The following CSTA variants were observed in gnomAD, a reference collection of about 807,000 sequenced individuals.
The protein encoded by CSTA is cystatin-A.
Under a neutral mutation model 9.2 loss-of-function variants are expected in CSTA, and 9 were observed. The ratio of observed to expected loss-of-function variants is 0.97; its 90% confidence interval spans 0.59 to 1.70. The LOEUF (loss-of-function observed/expected upper bound fraction) is 1.70. Ranked by LOEUF, CSTA falls within the 40% of genes most tolerant of loss-of-function variation. CSTA has a pLI of 0.00. For missense variants in CSTA, 118 were observed against 113.1 expected, an observed-to-expected ratio of 1.04 and a Z score of -0.20; for synonymous variants, 36 against 40.6, an observed-to-expected ratio of 0.89 and a Z score of 0.43.
At chr3:122,331,233 C>T (rs2075203196) in intron 1 of CSTA, among the ~76,000 whole-genome samples, 1 of 151,980 alleles carries the variant, frequency 6.6e-6, no homozygotes, top group Non-Finnish European at 1.5e-5. Flanking sequence ...CGCACAAACA[C>T]TTCATCTGCA....
chr3:122,333,916 C>T (rs2075222148), intron 1 of CSTA, among the ~76,000 whole-genome samples: 1 of 152,206 alleles, frequency 6.6e-6, no homozygotes, highest in Admixed American at 6.5e-5. Context: ...GCCTTACATT[C>T]TCCATTCATA....
rs889446455 is a variant in CSTA at position 122,341,750 on chromosome 3, G to C, written c.*183G>C. 1.4e-6 allele frequency: 1 copy of C among 709,754 alleles called. No individual in the cohort carries two copies. The highest frequency in any genetic ancestry group is 2.3e-6 in the Non-Finnish European group (1 of 440,754). 44.0% of individuals were successfully genotyped at this position (709,754 alleles called of 1,614,324 possible). A position where few individuals can be genotyped will look rare whatever the true frequency, so the allele number is the denominator to read the frequency against. ...TCTCAAAATCAGTGTTATTGCTTTA[G>C]AGTATAAACTCCATATAAATTGATG... On this transcript the variant is annotated 3_prime_UTR_variant, in exon 3 of 3. Coordinates refer to ENST00000264474, the MANE Select transcript of CSTA (RefSeq NM_005213.4).
At chr3:122,325,710 G>T (rs1293385797) in intron 1 of CSTA, among the ~76,000 whole-genome samples, 1 of 152,184 alleles carries the variant, frequency 6.6e-6, no homozygotes, top group Non-Finnish European at 1.5e-5. Context: ...AAGCCAACGT[G>T]TAATTGAAGT....
chr3:122,327,528 CAAAAAAAAAAA>C (rs59568582), intron 1 of CSTA, among the ~76,000 whole-genome samples: 2 of 44,108 alleles, frequency 4.5e-5, no homozygotes, highest in Non-Finnish European at 8.4e-5. Context: ...GACTCCGTCT[CAAAAAAAAAAA>C]AAAAAAAAAA....
intron 1 of CSTA, among the ~76,000 whole-genome samples, chr3:122,326,175 C>T (rs143837513): frequency 3.7e-4 from 57 of 152,230 alleles, no homozygotes; most frequent in African/African-American, 1.3e-3. Flanking sequence ...TATGCCACCA[C>T]GCCTGGCTGA....
chr3:122,337,469 A>T (rs1468456320), intron 1 of CSTA, 78 bp from the exon 2 acceptor site: 1 of 912,168 alleles, frequency 1.1e-6, no homozygotes, highest in Non-Finnish European at 1.8e-6. Context: ...TAGGAGGATG[A>T]GGTTCCCAGA....
chr3:122,334,906 G>T (rs1308308797), intron 1 of CSTA, among the ~76,000 whole-genome samples: 1 of 152,178 alleles, frequency 6.6e-6, no homozygotes, highest in African/African-American at 2.4e-5. Context: ...ACACCAAAAA[G>T]TCGTAGCCAG....
chr3:122,332,817 C>T (rs1009663308), intron 1 of CSTA, among the ~76,000 whole-genome samples: 4 of 152,136 alleles, frequency 2.6e-5, no homozygotes, highest in African/African-American at 9.7e-5. Flanking sequence ...GTCCGTTCAC[C>T]GCCAGTCTCC....
chr3:122,336,233 A>C lies in CSTA; in HGVS notation c.67-1314A>C, dbSNP rs147345422. Among the ~76,000 whole-genome samples the C allele has an allele frequency of 3.5e-4, 53 of 152,302 alleles. No individual in the cohort carries two copies. In the Middle Eastern group the frequency reaches 0.01, roughly 29 times the overall value. Reference sequence around the variant, plus strand: ...AAAAGGAGCAGGGACTCCTTGGAGAAATAGTTGATTCCAGTGAGGAGGCAA... The same window carrying C: ...AAAAGGAGCAGGGACTCCTTGGAGACATAGTTGATTCCAGTGAGGAGGCAA... On this transcript the variant is annotated intron_variant, in intron 1 of 2. Coordinates refer to ENST00000264474, the MANE Select transcript of CSTA (RefSeq NM_005213.4).
chr3:122,327,365 T>C (rs1264163801), intron 1 of CSTA, among the ~76,000 whole-genome samples: 1 of 150,956 alleles, frequency 6.6e-6, no homozygotes, highest in Non-Finnish European at 1.5e-5. Flanking sequence ...CCGTCTCTAC[T>C]AAAAAATACA....
At chr3:122,336,719 G>A (rs1310168706) in intron 1 of CSTA, among the ~76,000 whole-genome samples, 2 of 152,120 alleles carry the variant, frequency 1.3e-5, no homozygotes, top group African/African-American at 4.8e-5. Flanking sequence ...CTTTACCGTG[G>A]AGAAACCTGG....
chr3:122,334,221 G>A (rs77208758), intron 1 of CSTA, among the ~76,000 whole-genome samples: 147 of 152,154 alleles, frequency 9.7e-4, no homozygotes, highest in African/African-American at 3.1e-3. Flanking sequence ...CACTTTTCCC[G>A]TCTATTCTCA....
In CSTA at chr3:122,341,622, T is replaced by C; in HGVS notation, c.*55T>C. On this transcript the variant is annotated 3_prime_UTR_variant, in exon 3 of 3. Transcript: ENST00000264474. ...TCAACTGGCTACTGAGTCATGATCC[T>C]TGCTGATAAATATAACCATCAATAA... The C allele has an allele frequency of 6.2e-7, 1 of 1,603,728 alleles. No homozygotes were observed. The highest frequency in any genetic ancestry group is 8.5e-7 in the Non-Finnish European group (1 of 1,171,368).
At chr3:122,325,386 C>A in intron 1 of CSTA, 28 bp downstream of exon 1, 1 of 1,608,098 alleles carries the variant, frequency 6.2e-7, no homozygotes, top group Non-Finnish European at 8.5e-7. Context: ...AGGAAAAAGT[C>A]TGAGCCAAAA....
intron 1 of CSTA, among the ~76,000 whole-genome samples, chr3:122,333,543 GAAAGA>G (rs1559981555): frequency 3.9e-5 from 1 of 25,822 alleles, no homozygotes; most frequent in Non-Finnish European, 8.3e-5. Flanking sequence ...AAAGAAAGAA[GAAAGA>G]AAGAAAGAAA....
At chr3:122,326,468 C>T (rs1161231168) in intron 1 of CSTA, among the ~76,000 whole-genome samples, 1 of 152,080 alleles carries the variant, frequency 6.6e-6, no homozygotes. Context: ...TTATATTATT[C>T]CTTCTTATTT....
intron 1 of CSTA, among the ~76,000 whole-genome samples, chr3:122,329,478 A>T (rs1470222611): frequency 1.3e-5 from 2 of 152,136 alleles, no homozygotes; most frequent in Non-Finnish European, 2.9e-5. Flanking sequence ...AGGTGAGAGA[A>T]TCACTTGCAC....
chr3:122,339,719 G>GTAATTAAAATTAAAAA (rs1297210480), intron 2 of CSTA, among the ~76,000 whole-genome samples: 4 of 152,166 alleles, frequency 2.6e-5, no homozygotes, highest in Admixed American at 2.6e-4. Flanking sequence ...CCTAGGCATG[G>GTAATTAAAATTAAAAA]TGATGCACAC....
At chr3:122,340,974 C>G (rs2075262470) in intron 2 of CSTA, among the ~76,000 whole-genome samples, 1 of 150,530 alleles carries the variant, frequency 6.6e-6, no homozygotes. Flanking sequence ...CAAACTCTTG[C>G]TCTATCACCC....
Sources: gnomAD v4.1 joint callset for allele counts (sites outside exome capture counted in the v4.1 genomes callset) on GRCh38, gnomAD v4.1.1 for gene constraint, MANE v1.5 for transcripts, NCBI Gene and HGNC (gene_info 2026-07-23, HGNC 2026-07-21) for gene names.